ARSB: variants seen among roughly 807,000 people sequenced by gnomAD.
ARSB encodes the protein arylsulfatase B.
ARSB carries 41 observed loss-of-function variants against 50.9 expected under a neutral mutation model. That is an observed-to-expected ratio of 0.81 (90% CI 0.63 to 1.04). The LOEUF (loss-of-function observed/expected upper bound fraction) is 1.04. Among genes scored for constraint, ARSB ranks in the 50% least tolerant of loss-of-function variants. ARSB has a pLI of 0.00. For missense variants in ARSB, 672 were observed against 693.3 expected, an observed-to-expected ratio of 0.97 and a Z score of 0.35; for synonymous variants, 269 against 284.8, an observed-to-expected ratio of 0.94 and a Z score of 0.56.
At chr5:78,946,691 C>T (rs1045354438) in intron 4 of ARSB, among the ~76,000 whole-genome samples, 9 of 152,012 alleles carry the variant, frequency 5.9e-5, no homozygotes, top group African/African-American at 1.9e-4. Context: ...ATTGTTAAAA[C>T]GTCCATACTA....
At chr5:78,869,133 C>A (rs201751459) in intron 5 of ARSB, among the ~76,000 whole-genome samples, 3,581 of 144,566 alleles carry the variant, frequency 0.025, 106 homozygotes, top group South Asian at 0.11. Flanking sequence ...TATATATGCA[C>A]CCAATACAGG....
At chr5:78,867,002 C>A (rs571218454) in intron 5 of ARSB, among the ~76,000 whole-genome samples, 1 of 152,210 alleles carries the variant, frequency 6.6e-6, no homozygotes, top group Non-Finnish European at 1.5e-5. Flanking sequence ...ATTGCCTCAC[C>A]TGGGAAGCGC....
chr5:78,958,019 T>C (rs1214222318), intron 3 of ARSB, among the ~76,000 whole-genome samples: 2 of 152,056 alleles, frequency 1.3e-5, no homozygotes, highest in Non-Finnish European at 2.9e-5. Flanking sequence ...AAAACTTTTT[T>C]GGAAAAATCA....
At chr5:78,941,812 G>T (rs1580098291) in intron 4 of ARSB, among the ~76,000 whole-genome samples, 1 of 152,160 alleles carries the variant, frequency 6.6e-6, no homozygotes, top group South Asian at 2.1e-4. Flanking sequence ...GAGTTAGGGA[G>T]GATTCCCTCT....
At chr5:78,865,863 C>T (rs1263981415) in intron 5 of ARSB, among the ~76,000 whole-genome samples, 2 of 152,212 alleles carry the variant, frequency 1.3e-5, no homozygotes, top group Non-Finnish European at 2.9e-5. Flanking sequence ...GTCACCTTTG[C>T]TCCAGTTCCC....
At position 78,834,342 on chromosome 5, in the gene ARSB, T is replaced by C. The variant is rs1388997677; in HGVS notation, c.1213+5014A>G. Among the ~76,000 whole-genome samples the C allele has an allele frequency of 2.0e-5, 3 of 152,020 alleles. No individual in the cohort carries two copies. In the East Asian group the frequency reaches 5.8e-4, roughly 29 times the overall value. ...AGTGGCATTAAATACATTCACGTTG[T>C]TATGCTGTCATCATCACCATCCATC... On this transcript the variant is annotated intron_variant, in intron 6 of 7. Coordinates refer to ENST00000264914, the MANE Select transcript of ARSB (RefSeq NM_000046.5).
intron 2 of ARSB, among the ~76,000 whole-genome samples, chr5:78,965,538 A>G (rs1752167375): frequency 6.6e-6 from 1 of 152,130 alleles, no homozygotes; most frequent in African/African-American, 2.4e-5. Context: ...ATGTTCTACA[A>G]TTGGATTGCC....
chr5:78,879,571 G>A (rs766461828), intron 5 of ARSB, among the ~76,000 whole-genome samples: 4 of 152,118 alleles, frequency 2.6e-5, no homozygotes, highest in East Asian at 3.8e-4. Flanking sequence ...CCTATTTCAC[G>A]AGCCTCTTCA....
chr5:78,928,094 T>C (rs1365780090), intron 4 of ARSB, among the ~76,000 whole-genome samples: 1 of 151,986 alleles, frequency 6.6e-6, no homozygotes, highest in African/African-American at 2.4e-5. Context: ...TTAACCATCA[T>C]CAAGATTTGC....
chr5:78,897,737 T>C (rs337879), intron 4 of ARSB, among the ~76,000 whole-genome samples: 91,040 of 151,914 alleles, frequency 0.6, 28,700 homozygotes, highest in East Asian at 0.98. Flanking sequence ...TTGTAATATG[T>C]GGACTCTCAT....
intron 1 of ARSB, among the ~76,000 whole-genome samples, chr5:78,982,575 C>T (rs1354565293): frequency 6.6e-6 from 1 of 152,244 alleles, no homozygotes; most frequent in Non-Finnish European, 1.5e-5. Context: ...CCAACATATA[C>T]TAGCCCTGTA....
At chr5:78,847,989 C>G (rs566342543) in intron 5 of ARSB, among the ~76,000 whole-genome samples, 1 of 151,656 alleles carries the variant, frequency 6.6e-6, no homozygotes. Context: ...TTTTGTTAAT[C>G]GTTTCAAAAA....
chr5:78,796,422 C>T (rs530907604), intron 6 of ARSB, among the ~76,000 whole-genome samples: 172 of 152,294 alleles, frequency 1.1e-3, no homozygotes, highest in African/African-American at 4.0e-3. Context: ...CATACCAATT[C>T]CCCAGGAGGA....
intron 6 of ARSB, among the ~76,000 whole-genome samples, chr5:78,834,616 T>TATATATATAC (rs1744858556): frequency 8.1e-6 from 1 of 123,228 alleles, no homozygotes; most frequent in South Asian, 2.8e-4. Flanking sequence ...TGTATATATA[T>TATATATATAC]ATATATATAT....
rs1005118219 is a variant in ARSB, at chr5:78,922,911, C to T, written c.898+32384G>A. Among the ~76,000 whole-genome samples the T allele has an allele frequency of 4.6e-5, 7 of 152,024 alleles. No homozygotes were observed. The South Asian group carries it at 8.3e-4, about 18-fold the overall frequency. ...TGCTGGGATTACAGGCATGAACCAC[C>T]GCACCTGGACTATAATAACAGATTC... On this transcript the variant is annotated intron_variant, in intron 4 of 7. Transcript: ENST00000264914.
At position 78,854,786 on chromosome 5, in the gene ARSB, G is replaced by A. The variant is rs539093372; in HGVS notation, c.1143-15360C>T. Among the ~76,000 whole-genome samples the A allele has an allele frequency of 5.3e-5, 8 of 152,294 alleles. No individual in the cohort carries two copies. The South Asian group carries it at 1.5e-3, about 28-fold the overall frequency. ...AGTCTAGTGGTGATGAATTCCCTCA[G>A]TTTTTACTTGTCTGGGAGACTTTCT... On this transcript the variant is annotated intron_variant, in intron 5 of 7. Transcript: ENST00000264914.
intron 6 of ARSB, among the ~76,000 whole-genome samples, chr5:78,806,841 C>A (rs61510502): frequency 4.5e-4 from 69 of 152,300 alleles, no homozygotes; most frequent in African/African-American, 1.6e-3. Flanking sequence ...GGACAGGAAG[C>A]TAGACAAGAC....
At chr5:78,980,108 G>C (rs559088) in intron 1 of ARSB, among the ~76,000 whole-genome samples, 64,127 of 152,062 alleles carry the variant, frequency 0.42, 13,684 homozygotes, top group Admixed American at 0.47. Flanking sequence ...AGGAAATGAA[G>C]AGTGACTGCT....
intron 4 of ARSB, among the ~76,000 whole-genome samples, chr5:78,890,686 C>A (rs1212785079): frequency 6.6e-6 from 1 of 152,152 alleles, no homozygotes; most frequent in Non-Finnish European, 1.5e-5. Flanking sequence ...CAACTTCAGG[C>A]CCACATATAG....
Sources: allele counts gnomAD v4.1 joint callset (sites outside exome capture counted in the v4.1 genomes callset), GRCh38; gene constraint gnomAD v4.1.1; transcripts MANE v1.5; gene names NCBI Gene and HGNC (gene_info 2026-07-23, HGNC 2026-07-21).